MAGI2: variants seen among roughly 807,000 people sequenced by gnomAD.
The protein encoded by MAGI2 is membrane associated guanylate kinase, WW and PDZ domain containing 2.
Under a neutral mutation model 133.3 loss-of-function variants are expected in MAGI2, and 35 were observed. The observed-to-expected ratio is 0.26, with a 90% CI of 0.20 to 0.35. MAGI2 has a LOEUF of 0.35. Among genes scored for constraint, MAGI2 ranks in the 10% least tolerant of loss-of-function variants. The pLI is 1.00. For missense variants in MAGI2, 1,636 were observed against 1,863.4 expected (o/e 0.88, Z 2.25); for synonymous variants, 729 against 710.6 (o/e 1.03, Z -0.41).
intron 21 of MAGI2, among the ~76,000 whole-genome samples, chr7:78,026,882 A>G (rs957388836): frequency 1.3e-5 from 2 of 152,200 alleles, no homozygotes; most frequent in Non-Finnish European, 2.9e-5. Flanking sequence ...CATTATTGCT[A>G]TTGATACTAC....
intron 2 of MAGI2, among the ~76,000 whole-genome samples, chr7:78,853,332 C>CTTTTTTTTTTTTTTTTCTT (rs1793314902): frequency 4.0e-5 from 1 of 25,052 alleles, no homozygotes. Flanking sequence ...TCCATTCGTT[C>CTTTTTTTTTTTTTTTTCTT]TTTTTTTTTT....
chr7:78,504,664 T>C (rs7794537), intron 4 of MAGI2, among the ~76,000 whole-genome samples: 71,791 of 151,924 alleles, frequency 0.47, 17,453 homozygotes, highest in South Asian at 0.57. Flanking sequence ...TTGAGTTATC[T>C]TACTTTGAGA....
intron 11 of MAGI2, among the ~76,000 whole-genome samples, chr7:78,195,421 G>A (rs900932959): frequency 1.3e-5 from 2 of 152,074 alleles, no homozygotes; most frequent in African/African-American, 2.4e-5. Context: ...AGAAATGTAT[G>A]GTATTAGTTG....
intron 1 of MAGI2, among the ~76,000 whole-genome samples, chr7:79,441,683 A>G (rs781410972): frequency 6.6e-6 from 1 of 152,246 alleles, no homozygotes; most frequent in African/African-American, 2.4e-5. Context: ...TCAAAATACT[A>G]TATTCTTCAC....
intron 1 of MAGI2, among the ~76,000 whole-genome samples, chr7:79,429,637 A>G (rs1847639824): frequency 6.6e-6 from 1 of 152,134 alleles, no homozygotes; most frequent in African/African-American, 2.4e-5. Flanking sequence ...AAATGTATAA[A>G]AAGTTGTTTT....
At chr7:78,216,781 G>A (rs943903933) in intron 10 of MAGI2, among the ~76,000 whole-genome samples, 1 of 152,174 alleles carries the variant, frequency 6.6e-6, no homozygotes, top group Non-Finnish European at 1.5e-5. Context: ...CCATGGTTGA[G>A]ACCACTAATT....
chr7:78,182,248 A>C (rs756390191), intron 13 of MAGI2, among the ~76,000 whole-genome samples: 1 of 152,216 alleles, frequency 6.6e-6, no homozygotes, highest in African/African-American at 2.4e-5. Context: ...GTTATTAAAC[A>C]TGGTCTTGAC....
At chr7:79,201,777 A>T (rs1341379353) in intron 1 of MAGI2, among the ~76,000 whole-genome samples, 1 of 151,982 alleles carries the variant, frequency 6.6e-6, no homozygotes, top group Admixed American at 6.6e-5. Flanking sequence ...AAAATAGAAC[A>T]CTTTAAAATT....
At position 78,762,368 on chromosome 7, in the gene MAGI2, G is replaced by C. The variant is rs142266540; in HGVS notation, c.419-135129C>G. On this transcript the variant is annotated intron_variant, in intron 2 of 21. Transcript: ENST00000354212. ...TGAGGCAAGAGAATTGCTTTAACCT[G>C]GGAGGCGGAGGTTGCAGTGAGCTGA... Among the ~76,000 whole-genome samples, 81 of 152,146 alleles carry C rather than the reference G, an allele frequency of 5.3e-4. No individual in the cohort carries two copies. The East Asian group carries it at 0.015, about 27-fold the overall frequency.
In MAGI2 at chr7:78,659,174, G is replaced by A. The variant is rs537816760; in HGVS notation, c.419-31935C>T. ...TATTAAAAACCTGTAAGAATAGGCC[G>A]GGCGCGGTGACTCACGCCTGTAATT... is the stretch of plus-strand genomic sequence containing the variant. On this transcript the variant is annotated intron_variant, in intron 2 of 21. Transcript: ENST00000354212. Among the ~76,000 whole-genome samples, 15 of 152,064 alleles carry A rather than the reference G, an allele frequency of 9.9e-5. No individual in the cohort carries two copies. In the East Asian group the frequency reaches 1.9e-3, roughly 20 times the overall value.
At chr7:78,280,592 G>A (rs944445810) in intron 9 of MAGI2, among the ~76,000 whole-genome samples, 37 of 152,030 alleles carry the variant, frequency 2.4e-4, no homozygotes, top group Admixed American at 1.6e-3. Flanking sequence ...CAAGAGTCCC[G>A]TGACATATAA....
At chr7:79,183,142 G>C (rs1011503494) in intron 1 of MAGI2, among the ~76,000 whole-genome samples, 2 of 151,796 alleles carry the variant, frequency 1.3e-5, no homozygotes. Context: ...TAGCAGAGTA[G>C]GGTGACTGTA....
At chr7:78,504,699 G>A (rs550146587) in intron 4 of MAGI2, among the ~76,000 whole-genome samples, 25 of 152,214 alleles carry the variant, frequency 1.6e-4, no homozygotes, top group African/African-American at 5.3e-4. Context: ...AATAAAGGCA[G>A]TATTATATAA....
intron 3 of MAGI2, among the ~76,000 whole-genome samples, chr7:78,534,907 G>C (rs1455752536): frequency 1.3e-5 from 2 of 152,182 alleles, no homozygotes; most frequent in Non-Finnish European, 2.9e-5. Context: ...GGCTGAGGCA[G>C]GTGGATCATG....
chr7:78,966,557 T>G (rs1045590829), intron 2 of MAGI2, among the ~76,000 whole-genome samples: 5 of 152,172 alleles, frequency 3.3e-5, no homozygotes, highest in Admixed American at 6.6e-5. Flanking sequence ...TGCTACATTT[T>G]CTTTATCTAC....
chr7:78,954,530 T>C (rs778199013), intron 2 of MAGI2, among the ~76,000 whole-genome samples: 15 of 152,294 alleles, frequency 9.8e-5, no homozygotes, highest in African/African-American at 3.4e-4. Context: ...TGATAAAATA[T>C]GTCCAGCCAG....
chr7:78,427,333 T>C (rs976683785), intron 6 of MAGI2, among the ~76,000 whole-genome samples: 3 of 152,048 alleles, frequency 2.0e-5, no homozygotes, highest in Non-Finnish European at 4.4e-5. Flanking sequence ...TCCAATTATA[T>C]GCTGAGTATA....
chr7:79,209,834 A>G (rs920617850), intron 1 of MAGI2, among the ~76,000 whole-genome samples: 2 of 152,040 alleles, frequency 1.3e-5, no homozygotes, highest in African/African-American at 2.4e-5. Context: ...TAGCCTTTTG[A>G]CTTCATGAAC....
intron 1 of MAGI2, among the ~76,000 whole-genome samples, chr7:79,326,347 C>T (rs35512002): frequency 0.57 from 87,067 of 151,894 alleles, 27,060 homozygotes; most frequent in Non-Finnish European, 0.69. Flanking sequence ...AAGAAAAAAA[C>T]TAGACTACCA....
Sources: allele counts gnomAD v4.1 joint callset (sites outside exome capture counted in the v4.1 genomes callset), GRCh38; gene constraint gnomAD v4.1.1; transcripts MANE v1.5; gene names NCBI Gene and HGNC (gene_info 2026-07-23, HGNC 2026-07-21).